The following CCDC192 variants were observed in gnomAD, a reference collection of about 807,000 sequenced individuals.
The protein encoded by CCDC192 is coiled-coil domain-containing protein 192.
At chr5:127,754,815 G>T (rs1240702012) in intron 3 of CCDC192, among the ~76,000 whole-genome samples, 1 of 152,190 alleles carries the variant, frequency 6.6e-6, no homozygotes, top group Non-Finnish European at 1.5e-5. Flanking sequence ...TTGGAAGAGA[G>T]TTTTTCAAAT....
intron 2 of CCDC192, among the ~76,000 whole-genome samples, chr5:127,739,286 T>C (rs1753246742): frequency 6.6e-6 from 1 of 152,184 alleles, no homozygotes; most frequent in Non-Finnish European, 1.5e-5. Flanking sequence ...AGTCTGCCCG[T>C]TCTCAGATCT....
chr5:127,730,277 A>C lies in CCDC192; in HGVS notation c.114+22517A>C, dbSNP rs1221351567. On this transcript the variant is annotated intron_variant, in intron 2 of 6. Coordinates refer to ENST00000514853, the MANE Select transcript of CCDC192 (RefSeq NM_001317938.2). ...CAAATAAACTAGAAAATCTAGAAGA[A>C]CTGGGTAAGTTCCTGGACATATATA... Among the ~76,000 whole-genome samples the C allele has an allele frequency of 1.3e-5, 2 of 152,212 alleles. 1 individual carries two copies. Among genetic ancestry groups the C allele is most frequent in the Admixed American group, 1.3e-4 (2 of 15,272 alleles).
intron 2 of CCDC192, among the ~76,000 whole-genome samples, chr5:127,733,689 A>C (rs369304950): frequency 4.6e-5 from 7 of 152,250 alleles, no homozygotes; most frequent in African/African-American, 1.7e-4. Context: ...TGCTGCCACC[A>C]GACCTATAAC....
At chr5:127,926,482 G>C (rs6898650) in intron 6 of CCDC192, among the ~76,000 whole-genome samples, 12,383 of 152,222 alleles carry the variant, frequency 0.081, 1,658 homozygotes, top group African/African-American at 0.28. Flanking sequence ...TTATAAGGAT[G>C]TGGAGGTGAA....
intron 5 of CCDC192, among the ~76,000 whole-genome samples, chr5:127,840,700 G>A (rs1295448025): frequency 6.6e-6 from 1 of 152,036 alleles, no homozygotes; most frequent in Admixed American, 6.6e-5. Context: ...GACCTATTAC[G>A]ACTAAATGTA....
intron 5 of CCDC192, among the ~76,000 whole-genome samples, chr5:127,840,830 T>C (rs1209182925): frequency 6.6e-6 from 1 of 152,210 alleles, no homozygotes; most frequent in African/African-American, 2.4e-5. Context: ...TCTATCATGT[T>C]TTTAATTACT....
intron 6 of CCDC192, among the ~76,000 whole-genome samples, chr5:127,886,288 A>G (rs1459972160): frequency 6.6e-6 from 1 of 152,190 alleles, no homozygotes; most frequent in Non-Finnish European, 1.5e-5. Context: ...CCTGGTAAAT[A>G]AGGAAGGAGC....
At chr5:127,733,915 CTA>C (rs71575706) in intron 2 of CCDC192, among the ~76,000 whole-genome samples, 7 of 144,800 alleles carry the variant, frequency 4.8e-5, no homozygotes, top group Non-Finnish European at 7.5e-5. Flanking sequence ...CCTTCACTAA[CTA>C]TATATATATA....
chr5:127,786,903 G>A (rs781061448), intron 3 of CCDC192: 61 of 426,520 alleles, frequency 1.4e-4, no homozygotes, highest in Non-Finnish European at 2.5e-4. Context: ...ATGAACATGA[G>A]TGTGGAGCTC....
At chr5:127,901,099 A>T (rs1333222307) in intron 6 of CCDC192, among the ~76,000 whole-genome samples, 1 of 152,230 alleles carries the variant, frequency 6.6e-6, no homozygotes, top group Non-Finnish European at 1.5e-5. Flanking sequence ...GACATGACTT[A>T]AATTATAATC....
intron 6 of CCDC192, among the ~76,000 whole-genome samples, chr5:127,901,282 A>C (rs1753032002): frequency 6.6e-6 from 1 of 152,226 alleles, no homozygotes; most frequent in South Asian, 2.1e-4. Context: ...AATATCTTAA[A>C]AAAATTATTC....
At chr5:127,905,339 G>T (rs1753166388) in intron 6 of CCDC192, among the ~76,000 whole-genome samples, 1 of 152,136 alleles carries the variant, frequency 6.6e-6, no homozygotes, top group African/African-American at 2.4e-5. Flanking sequence ...ATAATAAGGA[G>T]ATATGCAATT....
chr5:127,931,020 G>T (rs1429439664), intron 6 of CCDC192, among the ~76,000 whole-genome samples: 1 of 152,166 alleles, frequency 6.6e-6, no homozygotes, highest in Non-Finnish European at 1.5e-5. Context: ...AGTCTTCTTG[G>T]ACATATGTGC....
At chr5:127,859,023 T>G (rs1751241412) in intron 5 of CCDC192, among the ~76,000 whole-genome samples, 1 of 152,210 alleles carries the variant, frequency 6.6e-6, no homozygotes, top group South Asian at 2.1e-4. Flanking sequence ...CCTGGAACAT[T>G]TGTCTGTTCA....
rs1372921097 is a variant in CCDC192 at position 127,718,206 on chromosome 5, G to A, written c.114+10446G>A. 2.0e-5 allele frequency among the ~76,000 whole-genome samples: 3 copies of A among 152,078 alleles called. No homozygotes were observed. The East Asian group carries it at 5.8e-4, about 29-fold the overall frequency. On this transcript the variant is annotated intron_variant, in intron 2 of 6. Transcript: ENST00000514853. ...TAGTGCAAATGTATAAGAAAAAAAA[G>A]GTCCTGTCTTCATGCAAATGTGTTC...
intron 6 of CCDC192, among the ~76,000 whole-genome samples, chr5:127,910,719 G>A (rs1188613071): frequency 6.6e-6 from 1 of 152,184 alleles, no homozygotes; most frequent in Non-Finnish European, 1.5e-5. Context: ...GTAGTAAGTA[G>A]AGGACCACTG....
chr5:127,760,220 C>A (rs1754833413), intron 3 of CCDC192, among the ~76,000 whole-genome samples: 1 of 150,804 alleles, frequency 6.6e-6, no homozygotes, highest in African/African-American at 2.4e-5. Context: ...TTTAGTCCAC[C>A]TTAAAGAACT....
rs760166011 is a variant in CCDC192 at position 127,858,490 on chromosome 5, C to T, written c.412-17048C>T. Reference sequence around the variant, plus strand: ...TTCTTATCATAAGCTCTCAGAATGCCATGTGTCATTCCCTCATAATACTTG... The same window carrying T: ...TTCTTATCATAAGCTCTCAGAATGCTATGTGTCATTCCCTCATAATACTTG... On this transcript the variant is annotated intron_variant, in intron 5 of 6. Transcript: ENST00000514853. 8.0e-4 allele frequency among the ~76,000 whole-genome samples: 122 copies of T among 152,322 alleles called. 1 individual carries two copies. The highest frequency in any genetic ancestry group is 3.8e-4 in the East Asian group (2 of 5,196).
chr5:127,799,911 A>G lies in CCDC192; in HGVS notation c.411+1749A>G, dbSNP rs374234912. Among the ~76,000 whole-genome samples the G allele has an allele frequency of 7.7e-4, 117 of 152,338 alleles. 1 individual carries two copies. The South Asian group carries it at 0.013, about 17-fold the overall frequency. ...CAAGAAAAACTTAAATGAAAACAGTATTAACGATAGTATTTATTGAAAGTG... is the reference window on the plus strand; with the variant it reads ...CAAGAAAAACTTAAATGAAAACAGTGTTAACGATAGTATTTATTGAAAGTG... On this transcript the variant is annotated intron_variant, in intron 5 of 6. Coordinates refer to ENST00000514853, the MANE Select transcript of CCDC192 (RefSeq NM_001317938.2).
Sources: allele counts gnomAD v4.1 joint callset (sites outside exome capture counted in the v4.1 genomes callset), GRCh38; gene constraint gnomAD v4.1.1; transcripts MANE v1.5; gene names NCBI Gene and HGNC (gene_info 2026-07-23, HGNC 2026-07-21).